The following GRM8 variants were observed in gnomAD, a reference collection of about 807,000 sequenced individuals.
GRM8 encodes the protein metabotropic glutamate receptor 8.
GRM8 carries 47 observed loss-of-function variants against 87.2 expected under a neutral mutation model. The ratio of observed to expected loss-of-function variants is 0.54; its 90% CI spans 0.43 to 0.69. The LOEUF is 0.69. Among genes scored for constraint, GRM8 ranks in the 30% least tolerant of loss-of-function variants. The pLI is 0.00. For synonymous variants in GRM8, 396 were observed against 404.5 expected (o/e 0.98, Z 0.25); for missense variants, 1,019 against 1,139.2 (o/e 0.89, Z 1.52).
intron 9 of GRM8, among the ~76,000 whole-genome samples, chr7:126,494,033 T>A (rs1470619553): frequency 6.6e-6 from 1 of 151,982 alleles, no homozygotes; most frequent in Non-Finnish European, 1.5e-5. Context: ...AGAATCACAC[T>A]CATGGCCACT....
At position 127,176,980 on chromosome 7, in the gene GRM8, T is replaced by C. The variant is rs767046688; in HGVS notation, c.510+65715A>G. The stretch of plus-strand genomic sequence containing the variant: ...ATCTCTAGCTGAACTTTGTAACAAT[T>C]TGAAGGGTGGGAAGCCTCCTGCTCA... On this transcript the variant is annotated intron_variant, in intron 2 of 10. Transcript: ENST00000339582. Among the ~76,000 whole-genome samples the C allele has an allele frequency of 6.2e-4, 94 of 152,064 alleles. 1 individual carries two copies. The highest frequency in any genetic ancestry group is 5.3e-4 in the Non-Finnish European group (36 of 67,970).
intron 6 of GRM8, among the ~76,000 whole-genome samples, chr7:126,844,052 A>G (rs1796501792): frequency 6.6e-6 from 1 of 152,232 alleles, no homozygotes; most frequent in African/African-American, 2.4e-5. Flanking sequence ...GCTGATTAAC[A>G]ATAGCCAAGC....
intron 3 of GRM8, among the ~76,000 whole-genome samples, chr7:127,095,057 G>T (rs1272018918): frequency 6.6e-6 from 1 of 152,226 alleles, no homozygotes; most frequent in Non-Finnish European, 1.5e-5. Context: ...AAAGGCAGAA[G>T]AGGAGACCCT....
chr7:127,190,156 C>A (rs1794946440), intron 2 of GRM8, among the ~76,000 whole-genome samples: 1 of 152,160 alleles, frequency 6.6e-6, no homozygotes, highest in Non-Finnish European at 1.5e-5. Flanking sequence ...TCCTCTAGAG[C>A]AGGCTATGCA....
intron 2 of GRM8, among the ~76,000 whole-genome samples, chr7:127,188,162 C>A (rs993799388): frequency 6.6e-6 from 1 of 152,278 alleles, no homozygotes; most frequent in African/African-American, 2.4e-5. Flanking sequence ...CTCATTGTAT[C>A]CTCACAATAA....
intron 6 of GRM8, among the ~76,000 whole-genome samples, chr7:126,801,686 G>A (rs373144793): frequency 1.1e-4 from 16 of 152,188 alleles, no homozygotes; most frequent in African/African-American, 3.6e-4. Flanking sequence ...ACAATGCAGA[G>A]GGGAGGGAGA....
intron 3 of GRM8, among the ~76,000 whole-genome samples, chr7:126,957,619 T>C (rs1273350211): frequency 6.6e-6 from 1 of 152,214 alleles, no homozygotes; most frequent in Non-Finnish European, 1.5e-5. Context: ...CAGCTGGGTA[T>C]GCGTGCACTG....
intron 2 of GRM8, among the ~76,000 whole-genome samples, chr7:127,202,157 A>T (rs1298020602): frequency 6.7e-6 from 1 of 149,240 alleles, no homozygotes; most frequent in Non-Finnish European, 1.5e-5. Flanking sequence ...ATATACCATG[A>T]TAACAGAACT....
chr7:126,470,272 G>A (rs1228135366), intron 9 of GRM8, among the ~76,000 whole-genome samples: 1 of 151,528 alleles, frequency 6.6e-6, no homozygotes, highest in Admixed American at 6.6e-5. Flanking sequence ...CATGTGCCAT[G>A]CTGGGGTGCT....
chr7:126,884,118 G>A (rs899866342), intron 6 of GRM8, among the ~76,000 whole-genome samples: 2 of 152,120 alleles, frequency 1.3e-5, no homozygotes, highest in East Asian at 1.9e-4. Context: ...GCATCCTCAT[G>A]AGCACTGGTT....
intron 7 of GRM8, among the ~76,000 whole-genome samples, chr7:126,630,263 C>G (rs1194763870): frequency 1.3e-5 from 2 of 150,870 alleles, no homozygotes; most frequent in Non-Finnish European, 3.0e-5. Context: ...TATCAAAATA[C>G]CTAAAGAATG....
At chr7:126,871,726 C>A (rs1799114479) in intron 6 of GRM8, among the ~76,000 whole-genome samples, 1 of 152,060 alleles carries the variant, frequency 6.6e-6, no homozygotes. Context: ...AATATATGAC[C>A]AAAGTAGAGT....
chr7:126,887,761 T>C (rs964755978), intron 6 of GRM8, among the ~76,000 whole-genome samples: 29 of 152,224 alleles, frequency 1.9e-4, no homozygotes, highest in African/African-American at 6.5e-4. Flanking sequence ...CAGGGGAACG[T>C]GTGAGTCATG....
chr7:127,044,214 C>T (rs1220283954), intron 3 of GRM8, among the ~76,000 whole-genome samples: 1 of 152,142 alleles, frequency 6.6e-6, no homozygotes, highest in Non-Finnish European at 1.5e-5. Flanking sequence ...ATAATTAACT[C>T]TCTTCAGAAA....
intron 3 of GRM8, among the ~76,000 whole-genome samples, chr7:127,025,523 C>A (rs963010043): frequency 6.6e-6 from 1 of 152,106 alleles, no homozygotes; most frequent in Admixed American, 6.6e-5. Flanking sequence ...TCTTTTAGTC[C>A]CACAGTCCAT....
intron 3 of GRM8, among the ~76,000 whole-genome samples, chr7:126,958,027 C>T (rs1808916284): frequency 6.6e-6 from 1 of 152,122 alleles, no homozygotes; most frequent in African/African-American, 2.4e-5. Context: ...ATTGGGATTA[C>T]CAACTGCAGG....
At chr7:127,144,284 T>C (rs1320358430) in intron 2 of GRM8, among the ~76,000 whole-genome samples, 1 of 152,116 alleles carries the variant, frequency 6.6e-6, no homozygotes, top group Non-Finnish European at 1.5e-5. Context: ...TTCTTTAAAC[T>C]TGAAGCTCAG....
At chr7:126,960,243 C>A (rs1295648052) in intron 3 of GRM8, among the ~76,000 whole-genome samples, 2 of 152,112 alleles carry the variant, frequency 1.3e-5, no homozygotes, top group Non-Finnish European at 2.9e-5. Context: ...AAAACAGACT[C>A]AGGTAAAGTC....
chr7:126,445,907 G>A lies in GRM8; in HGVS notation c.2677+219C>T, dbSNP rs538498154. ...GATCTGAATGTCATGCTTTGTAAAAGAGATTTTGTGAGCAAGTTTGTACTC... is the reference window on the plus strand; with the variant it reads ...GATCTGAATGTCATGCTTTGTAAAAAAGATTTTGTGAGCAAGTTTGTACTC... On this transcript the variant is annotated intron_variant, in intron 10 of 10. Coordinates refer to ENST00000339582, the MANE Select transcript of GRM8 (RefSeq NM_000845.3). Among the ~76,000 whole-genome samples the A allele has an allele frequency of 2.0e-5, 3 of 152,100 alleles. No homozygotes were observed. The East Asian group carries it at 5.8e-4, about 30-fold the overall frequency.
Sources: gnomAD v4.1 joint callset for allele counts (sites outside exome capture counted in the v4.1 genomes callset) on GRCh38, gnomAD v4.1.1 for gene constraint, MANE v1.5 for transcripts, NCBI Gene and HGNC (gene_info 2026-07-23, HGNC 2026-07-21) for gene names.